The following TMEM245 variants were observed in gnomAD, a reference collection of about 807,000 sequenced individuals.
TMEM245 encodes transmembrane protein 245.
Under a neutral mutation model 101.2 loss-of-function variants are expected in TMEM245, and 69 were observed. The ratio of observed to expected loss-of-function variants is 0.68; its 90% CI spans 0.56 to 0.83. The LOEUF (loss-of-function observed/expected upper bound fraction) is 0.83, where lower values mean the gene tolerates loss of function less well. Ranked by LOEUF, TMEM245 falls within the 40% of genes least tolerant of loss-of-function variation. TMEM245 has a pLI of 0.00. For synonymous variants in TMEM245, 537 were observed against 449.8 expected, an observed-to-expected ratio of 1.19 and a Z score of -2.45; for missense variants, 1,075 against 1,092.8, an observed-to-expected ratio of 0.98 and a Z score of 0.23.
chr9:109,106,036 T>C (rs1017824082), intron 3 of TMEM245, among the ~76,000 whole-genome samples: 1 of 152,152 alleles, frequency 6.6e-6, no homozygotes, highest in African/African-American at 2.4e-5. Context: ...CCTCCCAAAG[T>C]GCTGGGATTA....
intron 17 of TMEM245, among the ~76,000 whole-genome samples, chr9:109,022,316 G>A (rs918227478): frequency 1.3e-5 from 2 of 152,148 alleles, no homozygotes; most frequent in African/African-American, 4.8e-5. Flanking sequence ...GGCTTTGAGA[G>A]GGTTTATGTG....
intron 17 of TMEM245, among the ~76,000 whole-genome samples, chr9:109,032,497 G>C (rs940232103): frequency 7.1e-6 from 1 of 141,064 alleles, no homozygotes; most frequent in African/African-American, 2.6e-5. Context: ...CAATTCTCCT[G>C]CCTCAGCCTC....
At chr9:109,020,816 A>G (rs986697660) in intron 17 of TMEM245, among the ~76,000 whole-genome samples, 5 of 152,240 alleles carry the variant, frequency 3.3e-5, no homozygotes, top group Non-Finnish European at 7.3e-5. Flanking sequence ...AAAAGAGAAG[A>G]GCAATCTTCT....
chr9:109,058,757 G>A (rs1481798184), intron 11 of TMEM245, among the ~76,000 whole-genome samples: 2 of 152,068 alleles, frequency 1.3e-5, no homozygotes, highest in East Asian at 3.9e-4. Flanking sequence ...AGGACTACAG[G>A]CGCACACCAC....
At chr9:109,093,062 C>T (rs1830050270) in intron 4 of TMEM245, among the ~76,000 whole-genome samples, 1 of 151,926 alleles carries the variant, frequency 6.6e-6, no homozygotes, top group African/African-American at 2.4e-5. Flanking sequence ...AAAATAAAAT[C>T]ATGGAGGAGA....
At chr9:109,116,344 T>G (rs1830723197) in intron 1 of TMEM245, among the ~76,000 whole-genome samples, 1 of 152,164 alleles carries the variant, frequency 6.6e-6, no homozygotes, top group African/African-American at 2.4e-5. Context: ...TCACATAACC[T>G]ACTTTCACTT....
At chr9:109,082,111 G>T (rs1255408329) in intron 7 of TMEM245, among the ~76,000 whole-genome samples, 1 of 152,134 alleles carries the variant, frequency 6.6e-6, no homozygotes, top group Non-Finnish European at 1.5e-5. Context: ...AGCAAAGAAT[G>T]TTGGTTAAAA....
At chr9:109,083,923 A>AAAC (rs1829755897) in intron 7 of TMEM245, among the ~76,000 whole-genome samples, 1 of 139,604 alleles carries the variant, frequency 7.2e-6, no homozygotes, top group Non-Finnish European at 1.6e-5. Flanking sequence ...AAAAAAAAAA[A>AAAC]AAAAAACACC....
intron 9 of TMEM245, among the ~76,000 whole-genome samples, chr9:109,067,013 G>A (rs1829190400): frequency 6.8e-6 from 1 of 147,966 alleles, no homozygotes; most frequent in Non-Finnish European, 1.5e-5. Context: ...CCGAGATCAT[G>A]CCATTGCATT....
chr9:109,033,512 G>C lies in TMEM245; in HGVS notation c.2400-11C>G. On this transcript the variant is annotated splice_polypyrimidine_tract_variant and intron_variant, in intron 16 of 17. Transcript: ENST00000374586. Reference sequence around the variant, plus strand: ...TAAGGATGGCCACCTCTGGAATAAAGAGCACGACCTTTAACACACAAAAAC... The same window carrying C: ...TAAGGATGGCCACCTCTGGAATAAACAGCACGACCTTTAACACACAAAAAC... 1 of 1,575,932 alleles carries C rather than the reference G, an allele frequency of 6.3e-7. No homozygotes were observed. Among genetic ancestry groups the C allele is most frequent in the Non-Finnish European group, 8.6e-7 (1 of 1,162,548 alleles).
In TMEM245 at chr9:109,060,509, ATTAAT is replaced by A; in HGVS notation, c.1624-62_1624-58del. 2.5e-6 allele frequency: 3 copies of A among 1,180,292 alleles called. No homozygotes were observed. In the South Asian group the frequency reaches 3.9e-5, roughly 15 times the overall value. 73.1% of individuals were successfully genotyped at this position (1,180,292 alleles called of 1,614,324 possible). On this transcript the variant is annotated intron_variant, in intron 10 of 17. Transcript: ENST00000374586. ...ATATTTCAGGCAACAACAGAGTAAA[ATTAAT>A]ATATGCTGGGTATTTACATTTGTTC...
intron 5 of TMEM245, among the ~76,000 whole-genome samples, chr9:109,088,337 A>G (rs566950790): frequency 5.3e-5 from 8 of 152,326 alleles, no homozygotes; most frequent in African/African-American, 1.9e-4. Context: ...GGGTAATTAC[A>G]AGCTGTAGAA....
rs1346064409 is a variant in TMEM245, at chr9:109,119,338, C to G, written c.576G>C (p.Leu192=). 4 of 1,529,488 alleles carry G rather than the reference C, an allele frequency of 2.6e-6. No homozygotes were observed. The South Asian group carries it at 3.6e-5, about 14-fold the overall frequency. 94.7% of individuals were successfully genotyped at this position (1,529,488 alleles called of 1,614,324 possible). The change falls in exon 1 of 18, where the codon CTG becomes CTC. Residue 192 remains leucine (L), a synonymous_variant. Coordinates refer to ENST00000374586, the MANE Select transcript of TMEM245 (RefSeq NM_032012.4). ...GGGCGGACTGCCGCTCACTCACCCA[C>G]AGGCTGCTGAAGTAGTCCAGCCCGC... ...ICRGLDYFSS[L]WIWTLVVGYV... is the part of the protein sequence containing the mutation.
intron 2 of TMEM245, 101 bp from the exon 3 acceptor site, chr9:109,106,710 T>C (rs1030622421): frequency 5.5e-5 from 40 of 725,114 alleles, no homozygotes; most frequent in Non-Finnish European, 7.9e-5. Flanking sequence ...CTGGTATATA[T>C]ATTAGTTACA....
chr9:109,050,677 AC>A lies in TMEM245; in HGVS notation c.1869del (p.Trp624GlyfsTer4). 1 of 1,613,100 alleles carries A rather than the reference AC, an allele frequency of 6.2e-7. No homozygotes were observed. Among genetic ancestry groups the A allele is most frequent in the Non-Finnish European group, 8.5e-7 (1 of 1,179,850 alleles). On this transcript the variant is annotated frameshift_variant, in exon 13 of 18. Transcript: ENST00000374586. LOFTEE classifies it high-confidence loss of function. Reference sequence around the variant, plus strand: ...CTCACATTCCGGCTCATAACGATCCACAGAGACTCCAAGATCTGACGAGGAA... The same window carrying A: ...CTCACATTCCGGCTCATAACGATCCAAGAGACTCCAAGATCTGACGAGGAA... Reference protein sequence around the residue: ...IETFLSILESLWIVMSRNVSL... With the variant: ...IETFLSILESXWIVMSRNVSL...
rs747468916 is a variant in TMEM245 at position 109,119,941 on chromosome 9, G to A, written c.-28C>T. On this transcript the variant is annotated 5_prime_UTR_variant, in exon 1 of 18. Coordinates refer to ENST00000374586, the MANE Select transcript of TMEM245 (RefSeq NM_032012.4). ...TTCCTCCGCCACAGCCGCCCCCGAGGGGCGGTAATGGGAGTCGGGCTAGAA... is the reference window on the plus strand; with the variant it reads ...TTCCTCCGCCACAGCCGCCCCCGAGAGGCGGTAATGGGAGTCGGGCTAGAA... 9 of 1,291,750 alleles carry A rather than the reference G, an allele frequency of 7.0e-6. No individual in the cohort carries two copies. The highest frequency in any genetic ancestry group is 8.8e-6 in the Non-Finnish European group (9 of 1,023,246). 80.0% of individuals were successfully genotyped at this position (1,291,750 alleles called of 1,614,324 possible). A position where few individuals can be genotyped will look rare whatever the true frequency, so the allele number is the denominator to read the frequency against.
intron 17 of TMEM245, among the ~76,000 whole-genome samples, chr9:109,022,636 A>G (rs1396724544): frequency 6.6e-6 from 1 of 152,130 alleles, no homozygotes; most frequent in Non-Finnish European, 1.5e-5. Flanking sequence ...GGGGAGAAAA[A>G]AATCACCCCC....
chr9:109,057,118 G>A (rs1564183705), intron 12 of TMEM245, 73 bp downstream of exon 12: 2 of 1,527,512 alleles, frequency 1.3e-6, no homozygotes, highest in Admixed American at 1.8e-5. Flanking sequence ...GCCTCAAAGT[G>A]TATGAAGAAA....
At chr9:109,096,404 G>A (rs1326021748) in intron 3 of TMEM245, among the ~76,000 whole-genome samples, 1 of 152,200 alleles carries the variant, frequency 6.6e-6, no homozygotes, top group Admixed American at 6.5e-5. Flanking sequence ...TTGAACCCAG[G>A]AGGCAGAGGT....
Sources: gnomAD v4.1 joint callset for allele counts (sites outside exome capture counted in the v4.1 genomes callset) on GRCh38, gnomAD v4.1.1 for gene constraint, MANE v1.5 for transcripts, NCBI Gene and HGNC (gene_info 2026-07-23, HGNC 2026-07-21) for gene names.